SMIM14: variants seen among roughly 807,000 people sequenced by gnomAD.
The protein encoded by SMIM14 is chromosome 4 open reading frame 34.
A neutral mutation model predicts 12.6 loss-of-function variants in SMIM14; 5 were observed. That is an observed-to-expected ratio of 0.40 (90% CI 0.21 to 0.83). SMIM14 has a LOEUF of 0.83. Among genes scored for constraint, SMIM14 ranks in the 40% least tolerant of loss-of-function variants. The pLI is 0.37. For synonymous variants in SMIM14, 30 were observed against 40.1 expected (o/e 0.75, Z 0.95); for missense variants, 86 against 119.1 (o/e 0.72, Z 1.29).
intron 3 of SMIM14, among the ~76,000 whole-genome samples, chr4:39,564,107 G>A (rs996507383): frequency 6.6e-6 from 1 of 152,150 alleles, no homozygotes; most frequent in African/African-American, 2.4e-5. Flanking sequence ...ATACCAAGAG[G>A]ATGAAAAGGT....
intron 2 of SMIM14, among the ~76,000 whole-genome samples, chr4:39,602,119 G>A (rs1714640445): frequency 1.3e-5 from 2 of 151,018 alleles, no homozygotes; most frequent in African/African-American, 4.9e-5. Context: ...TGTGGTGGCT[G>A]GTGCCTGTGG....
chr4:39,624,817 A>G (rs949687553), intron 1 of SMIM14, among the ~76,000 whole-genome samples: 15 of 23,712 alleles, frequency 6.3e-4, no homozygotes, highest in East Asian at 4.3e-3. Flanking sequence ...CACCATCTCG[A>G]AAAAAAAAAA....
intron 2 of SMIM14, among the ~76,000 whole-genome samples, chr4:39,578,408 TAC>T (rs1713312127): frequency 6.6e-6 from 1 of 152,224 alleles, no homozygotes; most frequent in African/African-American, 2.4e-5. Flanking sequence ...AAAACATTGG[TAC>T]CACTGATGTT....
At chr4:39,631,474 T>A (rs749127662) in intron 1 of SMIM14, among the ~76,000 whole-genome samples, 1 of 149,694 alleles carries the variant, frequency 6.7e-6, no homozygotes, top group Non-Finnish European at 1.5e-5. Context: ...CTGGCTAACA[T>A]GGTGAAACTC....
intron 3 of SMIM14, among the ~76,000 whole-genome samples, chr4:39,559,353 C>T (rs1712175388): frequency 6.7e-6 from 1 of 148,404 alleles, no homozygotes; most frequent in Non-Finnish European, 1.5e-5. Context: ...TACACCACTG[C>T]ACTCCAGCCT....
intron 1 of SMIM14, among the ~76,000 whole-genome samples, chr4:39,619,789 T>G (rs1309082431): frequency 7.1e-6 from 1 of 140,100 alleles, no homozygotes; most frequent in Admixed American, 7.4e-5. Context: ...ATTATATATA[T>G]TTATATATAT....
At chr4:39,560,961 G>A (rs1185697163) in intron 3 of SMIM14, among the ~76,000 whole-genome samples, 2 of 152,084 alleles carry the variant, frequency 1.3e-5, no homozygotes, top group Non-Finnish European at 2.9e-5. Flanking sequence ...GTCTATTGCA[G>A]TGGCCTCTTA....
At position 39,551,842 on chromosome 4, in the gene SMIM14, A is replaced by G. The variant is rs943660514; in HGVS notation, c.*284T>C. 5 of 264,344 alleles carry G rather than the reference A, an allele frequency of 1.9e-5. No individual in the cohort carries two copies. Among genetic ancestry groups the G allele is most frequent in the African/African-American group, 1.1e-4 (5 of 45,148 alleles). 16.4% of individuals were successfully genotyped at this position (264,344 alleles called of 1,614,324 possible). ...AAAAATTATAATCACAGTTACAAAC[A>G]GAATGAGTGGAATGTTTGTAAGTTT... On this transcript the variant is annotated 3_prime_UTR_variant, in exon 5 of 5. Coordinates refer to ENST00000295958, the MANE Select transcript of SMIM14 (RefSeq NM_174921.3).
intron 1 of SMIM14, among the ~76,000 whole-genome samples, chr4:39,621,975 C>T (rs1715513243): frequency 2.0e-5 from 3 of 151,980 alleles, no homozygotes; most frequent in African/African-American, 4.8e-5. Context: ...AGCCACCGCA[C>T]TCGGCCTCAT....
At chr4:39,553,830 G>C (rs1170040782) in intron 4 of SMIM14, among the ~76,000 whole-genome samples, 1 of 151,030 alleles carries the variant, frequency 6.6e-6, no homozygotes, top group African/African-American at 2.4e-5. Context: ...CTGACCTCAG[G>C]TGATCCGCCC....
intron 2 of SMIM14, among the ~76,000 whole-genome samples, chr4:39,575,083 T>G (rs933476099): frequency 4.0e-5 from 6 of 149,074 alleles, no homozygotes; most frequent in African/African-American, 1.2e-4. Context: ...AAAATAGTTT[T>G]TTTTTTTTTT....
At chr4:39,614,990 G>A (rs1252555229) in intron 1 of SMIM14, among the ~76,000 whole-genome samples, 1 of 152,210 alleles carries the variant, frequency 6.6e-6, no homozygotes, top group African/African-American at 2.4e-5. Context: ...GAATTTTCCA[G>A]TGCTGTTAAC....
intron 1 of SMIM14, among the ~76,000 whole-genome samples, chr4:39,625,996 C>A (rs1410003582): frequency 2.0e-5 from 3 of 152,140 alleles, no homozygotes; most frequent in African/African-American, 4.8e-5. Flanking sequence ...AGGAACCTGG[C>A]AGCACAGCAG....
chr4:39,549,768 C>T lies in SMIM14; in HGVS notation c.*2358G>A, dbSNP rs191299327. The T allele has an allele frequency of 3.9e-5, 6 of 152,330 alleles. No individual in the cohort carries two copies. The highest frequency in any genetic ancestry group is 1.4e-4 in the African/African-American group (6 of 41,574). The allele number at this position is 152,330 out of a possible 1,614,324, so 9.4% of individuals were successfully genotyped here. On this transcript the variant is annotated 3_prime_UTR_variant, in exon 5 of 5. Coordinates refer to ENST00000295958, the MANE Select transcript of SMIM14 (RefSeq NM_174921.3). ...CCATCTTAAGCCATTCTGGCCCTTT[C>T]TGCTCTACTTTACCAGCTATAGAGT... is the stretch of plus-strand genomic sequence containing the variant.
At position 39,638,834 on chromosome 4, in the gene SMIM14, T is replaced by A. The variant is rs893237437; in HGVS notation, c.-131A>T. 3.0e-6 allele frequency: 3 copies of A among 985,942 alleles called. No individual in the cohort carries two copies. Among genetic ancestry groups the A allele is most frequent in the East Asian group, 2.3e-4 (2 of 8,824 alleles). 61.1% of individuals were successfully genotyped at this position (985,942 alleles called of 1,614,324 possible). On this transcript the variant is annotated 5_prime_UTR_variant, in exon 1 of 5. Transcript: ENST00000295958. The stretch of plus-strand genomic sequence containing the variant: ...GGAGCTTCCAGAAGGCTGCGGCTGC[T>A]CCGGACGCTGCTGCCACTGCCGTTT...
intron 4 of SMIM14, among the ~76,000 whole-genome samples, chr4:39,553,563 G>A (rs576742840): frequency 6.6e-6 from 1 of 150,962 alleles, no homozygotes; most frequent in African/African-American, 2.4e-5. Flanking sequence ...AAAAATAAAT[G>A]TAAGGCTTTT....
At chr4:39,622,215 C>G (rs535200006) in intron 1 of SMIM14, among the ~76,000 whole-genome samples, 2 of 151,348 alleles carry the variant, frequency 1.3e-5, no homozygotes, top group South Asian at 2.1e-4. Context: ...TCCCGAGTAG[C>G]TGGGACTACA....
At chr4:39,601,375 A>G (rs1714606341) in intron 2 of SMIM14, among the ~76,000 whole-genome samples, 1 of 152,218 alleles carries the variant, frequency 6.6e-6, no homozygotes, top group Non-Finnish European at 1.5e-5. Flanking sequence ...ATTCACAATT[A>G]GTACTTGAAA....
intron 1 of SMIM14, among the ~76,000 whole-genome samples, chr4:39,631,325 C>T (rs1715886451): frequency 8.6e-6 from 1 of 116,934 alleles, no homozygotes; most frequent in Admixed American, 1.0e-4. Context: ...GAGTGAGACT[C>T]CATCTCAAAA....
Sources: allele counts gnomAD v4.1 joint callset (sites outside exome capture counted in the v4.1 genomes callset), GRCh38; gene constraint gnomAD v4.1.1; transcripts MANE v1.5; gene names NCBI Gene and HGNC (gene_info 2026-07-23, HGNC 2026-07-21).